FHIT: variants seen among roughly 807,000 people sequenced by gnomAD.
FHIT encodes fragile histidine triad diadenosine triphosphatase.
Under a neutral mutation model 17.9 loss-of-function variants are expected in FHIT, and 19 were observed. The ratio of observed to expected loss-of-function variants is 1.06; its 90% CI spans 0.74 to 1.56. FHIT has a LOEUF of 1.56. FHIT is among the 40% of genes most tolerant of loss of function. The probability of loss-of-function intolerance (pLI) is 0.00; values close to 1 mark genes in which losing one functional copy is unlikely to be tolerated. For missense variants in FHIT, 248 were observed against 189.2 expected (o/e 1.31, Z -1.82); for synonymous variants, 81 against 69.7 (o/e 1.16, Z -0.81).
intron 7 of FHIT, among the ~76,000 whole-genome samples, chr3:59,983,039 A>G (rs907110732): frequency 3.3e-5 from 5 of 151,942 alleles, no homozygotes; most frequent in Admixed American, 3.3e-4. Flanking sequence ...CCCTGGCTCA[A>G]GCGATCCTCC....
At chr3:60,380,248 A>G (rs1386533758) in intron 5 of FHIT, among the ~76,000 whole-genome samples, 1 of 152,128 alleles carries the variant, frequency 6.6e-6, no homozygotes, top group East Asian at 1.9e-4. Flanking sequence ...CTGTTAGTTC[A>G]CACAAGAGGC....
chr3:60,755,596 T>C, intron 4 of FHIT, among the ~76,000 whole-genome samples: 1 of 152,264 alleles, frequency 6.6e-6, no homozygotes, highest in East Asian at 1.9e-4. Context: ...TTTCACATCA[T>C]CAGTCACATC....
chr3:60,661,186 G>A (rs574278233), intron 4 of FHIT, among the ~76,000 whole-genome samples: 31 of 152,008 alleles, frequency 2.0e-4, no homozygotes, highest in South Asian at 8.3e-4. Flanking sequence ...CCAATTTGTC[G>A]TCTCTCATCC....
intron 8 of FHIT, among the ~76,000 whole-genome samples, chr3:59,798,605 G>A (rs1408890994): frequency 6.6e-6 from 1 of 152,234 alleles, no homozygotes. Flanking sequence ...CAGAACGCTT[G>A]CTAATGTACA....
chr3:60,486,252 A>G (rs446714), intron 5 of FHIT, among the ~76,000 whole-genome samples: 9,357 of 152,244 alleles, frequency 0.061, 448 homozygotes, highest in African/African-American at 0.12. Context: ...AATTTCCAAT[A>G]AAAAATTTTA....
intron 3 of FHIT, among the ~76,000 whole-genome samples, chr3:60,833,793 C>T (rs1208073647): frequency 1.3e-5 from 2 of 152,198 alleles, no homozygotes; most frequent in Non-Finnish European, 2.9e-5. Context: ...ACCCACTTCC[C>T]TCCCACTCCA....
intron 4 of FHIT, among the ~76,000 whole-genome samples, chr3:60,546,939 T>C (rs561460020): frequency 5.9e-4 from 90 of 152,258 alleles, no homozygotes; most frequent in Non-Finnish European, 1.1e-3. Context: ...TCCCCATATA[T>C]GCTGCTAGTA....
At chr3:61,208,099 T>C (rs1013348443) in intron 1 of FHIT, among the ~76,000 whole-genome samples, 17 of 152,332 alleles carry the variant, frequency 1.1e-4, no homozygotes, top group Non-Finnish European at 2.2e-4. Flanking sequence ...GAGCAGGTTG[T>C]TCAGTTTCCA....
chr3:60,494,926 T>C (rs541146331), intron 5 of FHIT, among the ~76,000 whole-genome samples: 1 of 152,340 alleles, frequency 6.6e-6, no homozygotes, highest in East Asian at 1.9e-4. Context: ...TGAACAGTGC[T>C]GCAACAAACA....
intron 8 of FHIT, among the ~76,000 whole-genome samples, chr3:59,886,751 A>T (rs1292805192): frequency 6.6e-6 from 1 of 152,174 alleles, no homozygotes; most frequent in African/African-American, 2.4e-5. Context: ...TGGGGATGAA[A>T]TTTCAACATG....
At chr3:60,514,593 G>A (rs563531269) in intron 5 of FHIT, among the ~76,000 whole-genome samples, 3 of 152,322 alleles carry the variant, frequency 2.0e-5, no homozygotes, top group South Asian at 4.1e-4. Flanking sequence ...CATGGCACAT[G>A]TTGACCTATG....
chr3:60,685,102 C>T (rs1415010714), intron 4 of FHIT, among the ~76,000 whole-genome samples: 1 of 152,110 alleles, frequency 6.6e-6, no homozygotes, highest in Non-Finnish European at 1.5e-5. Context: ...TACTTCTCTA[C>T]CCAATTAACC....
At chr3:60,732,004 A>G (rs1292837228) in intron 4 of FHIT, 3 of 385,066 alleles carry the variant, frequency 7.8e-6, no homozygotes, top group African/African-American at 6.1e-5. Flanking sequence ...CAGCTAGGGA[A>G]CAAGGAAAAC....
At chr3:60,067,197 A>T (rs1702553383) in intron 5 of FHIT, among the ~76,000 whole-genome samples, 1 of 152,326 alleles carries the variant, frequency 6.6e-6, no homozygotes, top group South Asian at 2.1e-4. Context: ...GATAGCAAAT[A>T]TATTTATATT....
Position 60,038,786 on chromosome 3 carries a change from T to C in FHIT, c.104-24634A>G, listed in dbSNP as rs76737733. Among the ~76,000 whole-genome samples the C allele has an allele frequency of 8.2e-3, 1,244 of 152,278 alleles. 16 individuals carry two copies. Among genetic ancestry groups the C allele is most frequent in the African/African-American group, 0.029 (1,187 of 41,552 alleles). On this transcript the variant is annotated intron_variant, in intron 5 of 9. Transcript: ENST00000492590. The stretch of plus-strand genomic sequence containing the variant: ...AACATTCATTAAGAAACAGCTACCA[T>C]GGTGCGAAACAAAGATCACAAAGCC...
intron 2 of FHIT, among the ~76,000 whole-genome samples, chr3:61,110,404 T>A (rs1234647011): frequency 2.0e-5 from 3 of 152,130 alleles, no homozygotes; most frequent in Admixed American, 2.0e-4. Context: ...GATCACTTGA[T>A]CTAAGGCAGC....
intron 8 of FHIT, among the ~76,000 whole-genome samples, chr3:59,905,409 A>T (rs1396998572): frequency 2.0e-5 from 3 of 152,206 alleles, no homozygotes; most frequent in Non-Finnish European, 1.5e-5. Context: ...TTTATGGTAG[A>T]AGGGCATGCA....
chr3:61,137,030 T>C (rs1020505413), intron 2 of FHIT, among the ~76,000 whole-genome samples: 8 of 152,148 alleles, frequency 5.3e-5, no homozygotes, highest in African/African-American at 1.9e-4. Context: ...CAGAATATAA[T>C]CTTTGTAATT....
chr3:59,789,003 TAAG>T (rs370354838), intron 8 of FHIT, among the ~76,000 whole-genome samples: 6 of 151,298 alleles, frequency 4.0e-5, no homozygotes, highest in South Asian at 4.2e-4. Flanking sequence ...ACAGCCCCGC[TAAG>T]AAGAATAGTG....
Sources: allele counts gnomAD v4.1 joint callset (sites outside exome capture counted in the v4.1 genomes callset), GRCh38; gene constraint gnomAD v4.1.1; transcripts MANE v1.5; gene names NCBI Gene and HGNC (gene_info 2026-07-23, HGNC 2026-07-21).